Variants in TTLL12 observed in about 807,000 individuals in gnomAD.
The protein encoded by TTLL12 is tubulin tyrosine ligase like 12, also known as tubulin--tyrosine ligase-like protein 12.
A neutral mutation model predicts 79.6 loss-of-function variants in TTLL12; 77 were observed. That is an observed-to-expected ratio of 0.97 (90% CI 0.81 to 1.17). TTLL12 has a LOEUF of 1.17. Ranked by LOEUF, TTLL12 falls within the 50% of genes most tolerant of loss-of-function variation. The pLI is 0.00. For synonymous variants in TTLL12, 437 were observed against 376.1 expected, an observed-to-expected ratio of 1.16 and a Z score of -1.87; for missense variants, 969 against 895.9, an observed-to-expected ratio of 1.08 and a Z score of -1.04.
intron 3 of TTLL12, 45 bp downstream of exon 3, chr22:43,180,697 C>A: frequency 6.3e-7 from 1 of 1,596,036 alleles, no homozygotes; most frequent in Non-Finnish European, 8.6e-7. Flanking sequence ...GAGGTCTGTG[C>A]CCATGCCTGT....
At chr22:43,171,606 TCTGTG>T (rs1349751331) in intron 11 of TTLL12, 1 of 533,562 alleles carries the variant, frequency 1.9e-6, no homozygotes, top group Non-Finnish European at 3.4e-6. Context: ...CCAGTGGCCC[TCTGTG>T]CCGTGGGGAG....
intron 5 of TTLL12, among the ~76,000 whole-genome samples, chr22:43,179,219 G>C (rs749353138): frequency 6.6e-6 from 1 of 152,194 alleles, no homozygotes; most frequent in African/African-American, 2.4e-5. Context: ...CAGTGACCAT[G>C]ATGGTAACTC....
Position 43,166,792 on chromosome 22 carries a change from G to T in TTLL12, c.*1216C>A. On this transcript the variant is annotated 3_prime_UTR_variant, in exon 14 of 14. Transcript: ENST00000216129. ...ACGCGTGCTTGTAAACAAGGGCCCA[G>T]ACAACACAGAGAGGAGAGGCAGCAT... 5.9e-6 allele frequency: 1 copy of T among 169,230 alleles called. No homozygotes were observed. Among genetic ancestry groups the T allele is most frequent in the Non-Finnish European group, 1.3e-5 (1 of 78,394 alleles). The allele number at this position is 169,230 out of a possible 1,614,324, so 10.5% of individuals were successfully genotyped here.
chr22:43,180,719 C>T (rs376220043), intron 3 of TTLL12, 23 bp downstream of exon 3: 1 of 1,611,384 alleles, frequency 6.2e-7, no homozygotes, highest in Non-Finnish European at 8.5e-7. Context: ...CTCCCCCTCC[C>T]CGGGGCCCAG....
At chr22:43,180,546 T>A (rs117745520) in intron 3 of TTLL12, among the ~76,000 whole-genome samples, 196 bp downstream of exon 3, 120 of 151,546 alleles carry the variant, frequency 7.9e-4, no homozygotes, top group Non-Finnish European at 1.2e-3. Context: ...AGTTTAGGAG[T>A]CTGAGAGGGC....
chr22:43,170,891 G>A (rs956097826), intron 11 of TTLL12, among the ~76,000 whole-genome samples: 1 of 152,212 alleles, frequency 6.6e-6, no homozygotes, highest in Non-Finnish European at 1.5e-5. Context: ...TCCAGCCTGG[G>A]TGACAGCGTG....
intron 11 of TTLL12, chr22:43,171,612 C>A: frequency 3.7e-6 from 2 of 543,664 alleles, no homozygotes; most frequent in Middle Eastern, 5.0e-4. Context: ...GCCCTCTGTG[C>A]CGTGGGGAGA....
rs1342303250 is a variant in TTLL12, at chr22:43,167,813, T to G, written c.*195A>C. ...TGGGGACACCATCACTGTCCTGCTC[T>G]GACCCACAGGTGAGAGGAGGATGCT... On this transcript the variant is annotated 3_prime_UTR_variant, in exon 14 of 14. Coordinates refer to ENST00000216129, the MANE Select transcript of TTLL12 (RefSeq NM_015140.4). 1 of 625,080 alleles carries G rather than the reference T, an allele frequency of 1.6e-6. No homozygotes were observed. Among genetic ancestry groups the G allele is most frequent in the African/African-American group, 1.8e-5 (1 of 54,268 alleles). The allele number at this position is 625,080 out of a possible 1,614,324, so 38.7% of individuals were successfully genotyped here.
Position 43,187,005 on chromosome 22 carries a change from TC to T in TTLL12, c.64del (p.Glu22ArgfsTer54). ...AERSSPGQTP[E>X]EGAQALAEFA... ...CTCGGCCAAGGCCTGCGCGCCCTCCTCCGGCGTCTGGCCCGGGCTGCTACGC... is the reference window on the plus strand; with the variant it reads ...CTCGGCCAAGGCCTGCGCGCCCTCCTCGGCGTCTGGCCCGGGCTGCTACGC... On this transcript the variant is annotated frameshift_variant, in exon 1 of 14. Transcript: ENST00000216129. LOFTEE classifies it high-confidence loss of function. 1 of 1,275,366 alleles carries T rather than the reference TC, an allele frequency of 7.8e-7. No homozygotes were observed. Among genetic ancestry groups the T allele is most frequent in the Non-Finnish European group, 9.9e-7 (1 of 1,008,160 alleles). 79.0% of individuals were successfully genotyped at this position (1,275,366 alleles called of 1,614,324 possible).
rs1292100755 is a variant in TTLL12, at chr22:43,173,770, G to A, written c.1286C>T (p.Thr429Ile). 6.2e-7 allele frequency: 1 copy of A among 1,605,058 alleles called. No homozygotes were observed. Among genetic ancestry groups the A allele is most frequent in the East Asian group, 2.2e-5 (1 of 44,866 alleles). ...GCTGTGCAGGCTCTTGGTGACGTGG[G>A]TGTCCAGGCTGCGCGCCAGGTTCCA... ...KPWNLARSLD[T>I]HVTKSLHSII... The change falls in exon 9 of 14, where the codon ACC (threonine) becomes ATC (isoleucine). Residue 429 changes from threonine to isoleucine, a missense_variant. By Grantham distance (89) the Thr-to-Ile change is moderately conservative. Coordinates refer to ENST00000216129, the MANE Select transcript of TTLL12 (RefSeq NM_015140.4).
Position 43,182,863 on chromosome 22 carries a change from A to G in TTLL12, c.347+117T>C. The G allele has an allele frequency of 3.6e-6, 5 of 1,387,030 alleles. No homozygotes were observed. The South Asian group carries it at 5.6e-5, about 16-fold the overall frequency. 85.9% of individuals were successfully genotyped at this position (1,387,030 alleles called of 1,614,324 possible). A position where few individuals can be genotyped will look rare whatever the true frequency, so the allele number is the denominator to read the frequency against. On this transcript the variant is annotated intron_variant, in intron 2 of 13. Coordinates refer to ENST00000216129, the MANE Select transcript of TTLL12 (RefSeq NM_015140.4). ...CCGCTGGCCACACGTGCTTGCCACA[A>G]AGCTGTCCTAAGGAAGATGTCCAGC...
At chr22:43,185,741 G>T (rs1932168346) in intron 1 of TTLL12, among the ~76,000 whole-genome samples, 1 of 152,214 alleles carries the variant, frequency 6.6e-6, no homozygotes, top group Non-Finnish European at 1.5e-5. Flanking sequence ...ACCGCCCGAG[G>T]GAGGGCGTGC....
chr22:43,183,760 C>T lies in TTLL12; in HGVS notation c.178-611G>A, dbSNP rs1932115930. ...GGCTAGTCAAGCAGGCAAGTGACCT[C>T]TTCTGGTGTGTGTGGAGCAGAGGGG... On this transcript the variant is annotated intron_variant, in intron 1 of 13. Transcript: ENST00000216129. Among the ~76,000 whole-genome samples the T allele has an allele frequency of 2.0e-5, 3 of 152,380 alleles. No individual in the cohort carries two copies. In the South Asian group the frequency reaches 6.2e-4, roughly 32 times the overall value.
Position 43,174,480 on chromosome 22 carries a change from C to G in TTLL12, c.1034+19G>C. The G allele has an allele frequency of 6.3e-7, 1 of 1,587,142 alleles. No homozygotes were observed. The highest frequency in any genetic ancestry group is 8.6e-7 in the Non-Finnish European group (1 of 1,161,520). ...GAAGCCCTGACTGGGAGGGCCCCTG[C>G]GGCCAGAGGTGCCCTCACCTGTAGT... On this transcript the variant is annotated intron_variant, in intron 7 of 13. Coordinates refer to ENST00000216129, the MANE Select transcript of TTLL12 (RefSeq NM_015140.4).
chr22:43,180,263 C>T (rs987133719), intron 3 of TTLL12, among the ~76,000 whole-genome samples: 2 of 152,120 alleles, frequency 1.3e-5, no homozygotes, highest in African/African-American at 2.4e-5. Context: ...GCCCAGCACC[C>T]GTAGGGGTGT....
chr22:43,179,938 G>A lies in TTLL12; in HGVS notation c.609C>T (p.His203=), dbSNP rs773656198. ...IMDEFGSRIQ[H]ADVPSFATAP... ...CCGTGGCGAAGCTGGGCACGTCCGCGTGCTGGATCCGCGAACCGAACTCGT... is the reference window on the plus strand; with the variant it reads ...CCGTGGCGAAGCTGGGCACGTCCGCATGCTGGATCCGCGAACCGAACTCGT... Residue 203 remains histidine, a synonymous_variant, in exon 4 of 14, where the codon CAC becomes CAT. Transcript: ENST00000216129. 1.2e-5 allele frequency: 19 copies of A among 1,610,788 alleles called. No individual in the cohort carries two copies. In the East Asian group the frequency reaches 3.1e-4, roughly 26 times the overall value.
intron 11 of TTLL12, 196 bp downstream of exon 11, chr22:43,171,623 C>G (rs988726929): frequency 1.8e-6 from 1 of 555,568 alleles, no homozygotes; most frequent in Non-Finnish European, 3.3e-6. Context: ...CGTGGGGAGA[C>G]CTACCTGAGA....
intron 12 of TTLL12, 28 bp downstream of exon 12, chr22:43,169,472 C>T (rs770347892): frequency 1.3e-6 from 2 of 1,554,904 alleles, no homozygotes; most frequent in East Asian, 4.5e-5. Context: ...CCCCACCGGC[C>T]TGCGATGGTG....
At chr22:43,183,203 T>A (rs1932103540) in intron 1 of TTLL12, 54 bp from the exon 2 acceptor site, 1 of 1,599,170 alleles carries the variant, frequency 6.3e-7, no homozygotes, top group Admixed American at 1.7e-5. Context: ...CCCACCCCAA[T>A]GCCTTCACCA....
Sources: allele counts gnomAD v4.1 joint callset (sites outside exome capture counted in the v4.1 genomes callset), GRCh38; gene constraint gnomAD v4.1.1; transcripts MANE v1.5; gene names NCBI Gene and HGNC (gene_info 2026-07-23, HGNC 2026-07-21).